The following SHKBP1 variants were observed in gnomAD, a reference collection of about 807,000 sequenced individuals.
SHKBP1 encodes SH3KBP1 binding protein 1.
Under a neutral mutation model 83.9 loss-of-function variants are expected in SHKBP1, and 71 were observed. That is an observed-to-expected ratio of 0.85 (90% confidence interval 0.70 to 1.03). SHKBP1 has a LOEUF of 1.03. Ranked by LOEUF, SHKBP1 falls within the 50% of genes least tolerant of loss-of-function variation. SHKBP1 has a pLI of 0.00. For missense variants in SHKBP1, 824 were observed against 982.4 expected (o/e 0.84, Z 2.16); for synonymous variants, 371 against 398.0 (o/e 0.93, Z 0.81).
chr19:40,589,161 C>T lies in SHKBP1; in HGVS notation c.1572C>T (p.Leu524=), dbSNP rs1295961568. Residue 524 remains leucine, a synonymous_variant, in exon 15 of 18, where the codon CTC becomes CTT. Coordinates refer to ENST00000291842, the MANE Select transcript of SHKBP1 (RefSeq NM_138392.4). ...GTGCCAGCCAGCTCTTCGTGCGTCT[C>T]TCATCTACTGGGCAGCGGTGAGGAC... ...VPSASQLFVR[L]SSTGQRVCSV... 1.2e-6 allele frequency: 2 copies of T among 1,612,680 alleles called. No individual in the cohort carries two copies. Among genetic ancestry groups the T allele is most frequent in the South Asian group, 2.2e-5 (2 of 91,006 alleles).
At chr19:40,583,864 A>T (rs932077486) in intron 12 of SHKBP1, 147 bp downstream of exon 12, 1 of 666,502 alleles carries the variant, frequency 1.5e-6, no homozygotes, top group African/African-American at 1.8e-5. Flanking sequence ...TTTCTGAGAC[A>T]GACTCTCATT....
At chr19:40,588,581 G>A (rs556039189) in intron 13 of SHKBP1, 43 bp from the exon 14 acceptor site, 1 of 1,612,052 alleles carries the variant, frequency 6.2e-7, no homozygotes, top group South Asian at 1.1e-5. Context: ...CAGCATTGAT[G>A]CCTGCACCAG....
Position 40,589,120 on chromosome 19 carries a change from C to G in SHKBP1, c.1531C>G (p.Gln511Glu). 1 of 1,613,546 alleles carries G rather than the reference C, an allele frequency of 6.2e-7. No individual in the cohort carries two copies. The highest frequency in any genetic ancestry group is 1.1e-5 in the South Asian group (1 of 91,072). Residue 511 changes from glutamine to glutamate, a missense_variant, in exon 15 of 18, where the codon CAG (glutamine) becomes GAG (glutamate). Physicochemically the swap from Gln to Glu is conservative, Grantham distance 29. This residue lies in a region of SHKBP1 where 287 missense variants were observed against 322.9 expected (regional missense o/e 0.89). Transcript: ENST00000291842. ...GERDDQQVFI[Q>E]KVVPSASQLF... ...GCGGGACGACCAGCAAGTGTTCATC[C>G]AGAAGGTGGTGCCCAGTGCCAGCCA...
Position 40,580,817 on chromosome 19 carries a change from C to G in SHKBP1, c.725C>G (p.Ala242Gly), listed in dbSNP as rs137860505. The part of the protein sequence containing the change: ...PRLDWPIERL[A>G]LTARVHGGAL... The stretch of plus-strand genomic sequence containing the variant: ...CTGGACTGGCCCATCGAACGACTGG[C>G]GCTCACAGCCCGGGTGCATGGTGGG... The change falls in exon 9 of 18, where the codon GCG becomes GGG. Residue 242 changes from alanine to glycine, a missense_variant. Around this residue, in one of 3 missense-constraint regions of SHKBP1, gnomAD observed 355 missense variants for 386.4 expected, o/e 0.92. Transcript: ENST00000291842. The G allele has an allele frequency of 8.2e-4, 1,327 of 1,613,154 alleles. 4 individuals are homozygous for G. The highest frequency in any genetic ancestry group is 6.0e-4 in the Non-Finnish European group (712 of 1,179,560).
In SHKBP1 at chr19:40,590,349, C is replaced by T. The variant is rs1163398404; in HGVS notation, c.1695C>T (p.Leu565=). The T allele has an allele frequency of 6.2e-7, 1 of 1,612,180 alleles. No homozygotes were observed. Among genetic ancestry groups the T allele is most frequent in the African/African-American group, 1.3e-5 (1 of 74,838 alleles). Residue 565 remains leucine, a synonymous_variant, in exon 16 of 18, where the codon CTC becomes CTT. Coordinates refer to ENST00000291842, the MANE Select transcript of SHKBP1 (RefSeq NM_138392.4). The surrounding 1 kb of genome is among the most constrained non-coding windows in gnomAD (Gnocchi z 4.6). ...RLGSRPRRYL[L]TGQANGSLAM... ...GCTCTCGGCCCCGGCGCTACCTGCT[C>T]ACTGGCCAGGCCAACGGCAGCTTGG...
chr19:40,577,311 A>T, intron 2 of SHKBP1, 27 bp downstream of exon 2: 1 of 1,613,922 alleles, frequency 6.2e-7, no homozygotes, highest in Non-Finnish European at 8.5e-7. Flanking sequence ...GTTTGGGGCG[A>T]GGGTAGGAGG....
At position 40,583,380 on chromosome 19, in the gene SHKBP1, G is replaced by T; in HGVS notation, c.961-18G>T. ...ATGGAAGGGCTCCCGGCTGCAGCCT[G>T]TCCTGCCCCACCCCCAGGTCCAGGA... On this transcript the variant is annotated intron_variant, in intron 10 of 17. Coordinates refer to ENST00000291842, the MANE Select transcript of SHKBP1 (RefSeq NM_138392.4). 1 of 1,556,898 alleles carries T rather than the reference G, an allele frequency of 6.4e-7. No individual in the cohort carries two copies. Among genetic ancestry groups the T allele is most frequent in the Non-Finnish European group, 8.7e-7 (1 of 1,148,996 alleles).
chr19:40,583,775 G>A, intron 12 of SHKBP1, 58 bp downstream of exon 12: 1 of 1,347,072 alleles, frequency 7.4e-7, no homozygotes, highest in Non-Finnish European at 1.1e-6. Flanking sequence ...GCCCCAGCCT[G>A]CAGCTGTCCC....
At position 40,586,938 on chromosome 19, in the gene SHKBP1, A is replaced by G. The variant is rs2081317472; in HGVS notation, c.1330A>G (p.Ile444Val). ...GATCATGCTGTCGGAGAAGCACCTC[A>G]TCTCAGGTGAGCCTCTGTGGGGTGC... ...TKIMLSEKHL[I>V]SVCADNNHVR... is the part of the protein sequence containing the mutation. Residue 444 changes from isoleucine (I) to valine (V), a missense_variant, in exon 13 of 18, where the codon ATC becomes GTC. Ile to Val is a conservative substitution (Grantham distance 29, BLOSUM62 3). Coordinates refer to ENST00000291842, the MANE Select transcript of SHKBP1 (RefSeq NM_138392.4). 1 of 1,598,210 alleles carries G rather than the reference A, an allele frequency of 6.3e-7. No homozygotes were observed. The highest frequency in any genetic ancestry group is 1.3e-5 in the African/African-American group (1 of 74,706).
At chr19:40,588,888 T>TGG in intron 14 of SHKBP1, 109 bp downstream of exon 14, 3 of 1,446,440 alleles carry the variant, frequency 2.1e-6, no homozygotes, top group Non-Finnish European at 2.8e-6. Context: ...CTGCAACGAT[T>TGG]GGGGTGTCCT....
chr19:40,583,581 A>C lies in SHKBP1; in HGVS notation c.1049-20A>C. The C allele has an allele frequency of 1.3e-6, 2 of 1,574,040 alleles. No homozygotes were observed. ...GGGGCACTTGGAACAAACCCGCTCCACCCTCCCTGCCCACCCCAGATGTGC... is the reference window on the plus strand; with the variant it reads ...GGGGCACTTGGAACAAACCCGCTCCCCCCTCCCTGCCCACCCCAGATGTGC... On this transcript the variant is annotated intron_variant, in intron 11 of 17. Transcript: ENST00000291842.
chr19:40,586,375 T>C (rs117078962), intron 12 of SHKBP1, among the ~76,000 whole-genome samples: 2,152 of 148,890 alleles, frequency 0.014, 15 homozygotes, highest in Non-Finnish European at 0.019. Flanking sequence ...TTCTTTCTTT[T>C]TTTTTTTTTG....
intron 4 of SHKBP1, 180 bp from the exon 5 acceptor site, chr19:40,577,973 AC>A: frequency 1.5e-6 from 1 of 679,856 alleles, no homozygotes; most frequent in Non-Finnish European, 2.7e-6. Flanking sequence ...ACACACACAC[AC>A]ACACACACAC....
chr19:40,586,793 C>T lies in SHKBP1; in HGVS notation c.1185C>T (p.Ile395=), dbSNP rs770125764. The change falls in exon 13 of 18, where the codon ATC becomes ATT. Residue 395 remains isoleucine (I), a synonymous_variant. Coordinates refer to ENST00000291842, the MANE Select transcript of SHKBP1 (RefSeq NM_138392.4). ...CACCAGGTGACAGTGGGAACTGGAT[C>T]GAGATCGCCTATGGCACCAGCTCAG... ...TPKTSDSGNW[I]EIAYGTSSGG... 11 of 1,593,790 alleles carry T rather than the reference C, an allele frequency of 6.9e-6. No individual in the cohort carries two copies. Among genetic ancestry groups the T allele is most frequent in the East Asian group, 2.3e-5 (1 of 43,680 alleles).
intron 5 of SHKBP1, 70 bp from the exon 6 acceptor site, chr19:40,578,392 A>G: frequency 1.3e-6 from 2 of 1,563,230 alleles, no homozygotes; most frequent in Non-Finnish European, 1.8e-6. Context: ...TGTAGAAAGA[A>G]ATGGGGAGGG....
At chr19:40,589,720 G>A (rs1455644233) in intron 15 of SHKBP1, among the ~76,000 whole-genome samples, 2 of 152,074 alleles carry the variant, frequency 1.3e-5, no homozygotes, top group Non-Finnish European at 2.9e-5. Context: ...GCAGGGGAAG[G>A]GGGCCCCAGC....
rs775758617 is a variant in SHKBP1, at chr19:40,590,334, C to T, written c.1680C>T (p.Pro560=). 1 of 1,611,640 alleles carries T rather than the reference C, an allele frequency of 6.2e-7. No homozygotes were observed. Among genetic ancestry groups the T allele is most frequent in the South Asian group, 1.1e-5 (1 of 90,792 alleles). Residue 560 remains proline, a synonymous_variant, in exon 16 of 18, where the codon CCC becomes CCT. Transcript: ENST00000291842. This position sits in a 1 kb window ranked among gnomAD's most constrained non-coding sequence, Gnocchi z 4.6. The part of the protein sequence containing the change: ...CEGSRRLGSR[P]RRYLLTGQAN... ...GCTCCCGGCGGCTCGGCTCTCGGCC[C>T]CGGCGCTACCTGCTCACTGGCCAGG... is the stretch of plus-strand genomic sequence containing the variant.
In SHKBP1 at chr19:40,591,262, C is replaced by G; in HGVS notation, c.*55C>G. 1 of 1,456,388 alleles carries G rather than the reference C, an allele frequency of 6.9e-7. No homozygotes were observed. Among genetic ancestry groups the G allele is most frequent in the South Asian group, 1.4e-5 (1 of 70,642 alleles). The allele number at this position is 1,456,388 out of a possible 1,614,324, so 90.2% of individuals were successfully genotyped here. A position where few individuals can be genotyped will look rare whatever the true frequency, so the allele number is the denominator to read the frequency against. ...GCCCTGGTCCTGGGGGACTCAGGTGCCTCCCTGATTCCTGTGGGAACCCCG... is the reference window on the plus strand; with the variant it reads ...GCCCTGGTCCTGGGGGACTCAGGTGGCTCCCTGATTCCTGTGGGAACCCCG... On this transcript the variant is annotated 3_prime_UTR_variant, in exon 18 of 18. Coordinates refer to ENST00000291842, the MANE Select transcript of SHKBP1 (RefSeq NM_138392.4).
Position 40,591,172 on chromosome 19 carries a change from C to A in SHKBP1, c.2089C>A (p.Pro697Thr), listed in dbSNP as rs1224264294. 4.4e-6 allele frequency: 7 copies of A among 1,596,970 alleles called. No homozygotes were observed. Among genetic ancestry groups the A allele is most frequent in the East Asian group, 2.3e-5 (1 of 44,302 alleles). Residue 697 changes from proline to threonine, a missense_variant, in exon 18 of 18, where the codon CCT becomes ACT. By Grantham distance (38) the Pro-to-Thr change is conservative. Transcript: ENST00000291842. ...CAGCGGTCTCGGCACTCCCCTCACA[C>A]CTCCCAAGATGAAGCTCAATGAAAC... ...PSSGLGTPLT[P>T]PKMKLNETSF
Sources: gnomAD v4.1 joint callset for allele counts (sites outside exome capture counted in the v4.1 genomes callset) on GRCh38, gnomAD v4.1.1 for gene constraint, gnomAD v4.1.1 regional missense constraint, Gnocchi (gnomAD v3.1) non-coding constraint, MANE v1.5 for transcripts, NCBI Gene and HGNC (gene_info 2026-07-23, HGNC 2026-07-21) for gene names.